DNAAF4: variants seen among roughly 807,000 people sequenced by gnomAD.
DNAAF4 encodes dynein axonemal assembly factor 4, also known as dynein assembly factor 4, axonemal.
DNAAF4 carries 43 observed loss-of-function variants against 51.8 expected under a neutral mutation model. The observed-to-expected ratio is 0.83, with a 90% CI of 0.65 to 1.07. DNAAF4 has a LOEUF of 1.07. Ranked by LOEUF, DNAAF4 falls within the 50% of genes least tolerant of loss-of-function variation. DNAAF4 has a pLI of 0.00. For synonymous variants in DNAAF4, 194 were observed against 165.6 expected (o/e 1.17, Z -1.32); for missense variants, 581 against 493.0 (o/e 1.18, Z -1.69).
chr15:55,473,198 A>AAAAAAAATATATAT (rs1209754897), intron 4 of DNAAF4, among the ~76,000 whole-genome samples: 10 of 75,744 alleles, frequency 1.3e-4, no homozygotes, highest in East Asian at 4.1e-4. Context: ...AAAAAAAAAA[A>AAAAAAAATATATAT]ATATATATAT....
intron 7 of DNAAF4, chr15:55,418,355 C>G: frequency 6.5e-7 from 1 of 1,538,630 alleles, no homozygotes; most frequent in Non-Finnish European, 8.8e-7. Context: ...AGCCACCTCA[C>G]TATCAAAACC....
At chr15:55,498,836 G>T (rs1352145218) in intron 1 of DNAAF4, among the ~76,000 whole-genome samples, 1 of 151,258 alleles carries the variant, frequency 6.6e-6, no homozygotes, top group African/African-American at 2.4e-5. Context: ...GCTTGAACCC[G>T]GGAGGCAGGG....
chr15:55,469,474 C>CTT (rs1162485238), intron 4 of DNAAF4, among the ~76,000 whole-genome samples: 8,948 of 66,086 alleles, frequency 0.14, 3,825 homozygotes, highest in Non-Finnish European at 0.15. Flanking sequence ...CTTACCAATT[C>CTT]TTTTTTTTTT....
downstream of DNAAF4, among the ~76,000 whole-genome samples, chr15:55,427,957 C>T (rs1013753390): frequency 6.7e-6 from 1 of 150,134 alleles, no homozygotes; most frequent in Non-Finnish European, 1.5e-5. Context: ...ACTTCTAAAC[C>T]GTAATTTTTT....
At chr15:55,493,600 T>A (rs564255478) in intron 3 of DNAAF4, among the ~76,000 whole-genome samples, 2 of 152,268 alleles carry the variant, frequency 1.3e-5, no homozygotes, top group South Asian at 4.1e-4. Context: ...AGAGTCTGAA[T>A]AATGAGGTAG....
chr15:55,504,072 C>T (rs1370476246), intron 1 of DNAAF4, among the ~76,000 whole-genome samples: 1 of 152,166 alleles, frequency 6.6e-6, no homozygotes, highest in Non-Finnish European at 1.5e-5. Context: ...GCAACTTCAG[C>T]AAAGTCTCAG....
intron 6 of DNAAF4, among the ~76,000 whole-genome samples, chr15:55,443,904 T>C (rs2057755531): frequency 6.6e-6 from 1 of 152,216 alleles, no homozygotes; most frequent in African/African-American, 2.4e-5. Context: ...GTTTTTTTCT[T>C]GTAAGTTTGT....
chr15:55,502,559 A>T (rs992949353), intron 1 of DNAAF4, among the ~76,000 whole-genome samples: 8 of 152,102 alleles, frequency 5.3e-5, no homozygotes, highest in Admixed American at 5.2e-4. Flanking sequence ...TGTATTGTTA[A>T]TCTCTCTTTT....
At chr15:55,460,188 T>TA (rs1481827430) in intron 5 of DNAAF4, among the ~76,000 whole-genome samples, 1 of 136,740 alleles carries the variant, frequency 7.3e-6, no homozygotes, top group African/African-American at 3.0e-5. Flanking sequence ...TATTTATTTA[T>TA]TTTTTTTTTT....
At chr15:55,448,285 T>G (rs1409612051) in intron 6 of DNAAF4, among the ~76,000 whole-genome samples, 2 of 151,984 alleles carry the variant, frequency 1.3e-5, no homozygotes, top group Non-Finnish European at 2.9e-5. Flanking sequence ...TGGATAAGCT[T>G]TTTGATGTGC....
chr15:55,456,697 T>C (rs966096876), intron 5 of DNAAF4, among the ~76,000 whole-genome samples: 7 of 152,216 alleles, frequency 4.6e-5, no homozygotes, highest in African/African-American at 1.7e-4. Context: ...GTTCCCAAAG[T>C]GTGAGGGAAG....
At chr15:55,422,716 G>A (rs1444654337) in intron 7 of DNAAF4, among the ~76,000 whole-genome samples, 1 of 152,152 alleles carries the variant, frequency 6.6e-6, no homozygotes, top group Admixed American at 6.6e-5. Context: ...TTTCAACAAG[G>A]CCAGGCTCGA....
Position 55,439,699 on chromosome 15 carries a change from T to G in DNAAF4, c.784-118A>C, listed in dbSNP as rs1166081781. ...AATATTATTTGCTATGCACTGAGTG[T>G]TTGTGTCTTCTCCACCTCTCCTCCA... is the stretch of plus-strand genomic sequence containing the variant. On this transcript the variant is annotated intron_variant, in intron 6 of 9. Transcript: ENST00000321149. 1.3e-5 allele frequency: 11 copies of G among 829,010 alleles called. No individual in the cohort carries two copies. In the East Asian group the frequency reaches 3.1e-4, roughly 23 times the overall value. The allele number at this position is 829,010 out of a possible 1,614,324, so 51.4% of individuals were successfully genotyped here. A position where few individuals can be genotyped will look rare whatever the true frequency, so the allele number is the denominator to read the frequency against.
intron 4 of DNAAF4, among the ~76,000 whole-genome samples, chr15:55,487,614 T>C (rs2058510651): frequency 6.6e-6 from 1 of 151,920 alleles, no homozygotes; most frequent in South Asian, 2.1e-4. Context: ...CGTGAGGGTC[T>C]GCAGCTTAAT....
At chr15:55,456,287 G>T (rs1273252897) in intron 5 of DNAAF4, among the ~76,000 whole-genome samples, 1 of 151,962 alleles carries the variant, frequency 6.6e-6, no homozygotes, top group Non-Finnish European at 1.5e-5. Context: ...TCTCCATGTT[G>T]GTCAGGCTAG....
At chr15:55,464,794 C>T (rs1300286424) in intron 5 of DNAAF4, among the ~76,000 whole-genome samples, 5 of 151,984 alleles carry the variant, frequency 3.3e-5, no homozygotes, top group African/African-American at 1.2e-4. Context: ...ATGGAGAAAC[C>T]CCATCTCTAA....
At chr15:55,439,435 C>T in intron 7 of DNAAF4, 37 bp downstream of exon 7, 1 of 1,538,246 alleles carries the variant, frequency 6.5e-7, no homozygotes, top group Non-Finnish European at 9.0e-7. Flanking sequence ...TGTCTTCATA[C>T]ATGATAAAGC....
intron 4 of DNAAF4, among the ~76,000 whole-genome samples, chr15:55,469,607 C>T (rs1421093799): frequency 2.0e-5 from 3 of 148,828 alleles, no homozygotes; most frequent in Non-Finnish European, 3.0e-5. Context: ...CTCAGCCTCC[C>T]GAGTAGCTGG....
chr15:55,432,456 A>T (rs757162635), intron 9 of DNAAF4, 41 bp downstream of exon 9: 3 of 1,491,960 alleles, frequency 2.0e-6, no homozygotes, highest in Admixed American at 3.6e-5. Flanking sequence ...TTTTTTTCAG[A>T]GTATAACTTG....
Sources: allele counts gnomAD v4.1 joint callset (sites outside exome capture counted in the v4.1 genomes callset), GRCh38; gene constraint gnomAD v4.1.1; transcripts MANE v1.5; gene names NCBI Gene and HGNC (gene_info 2026-07-23, HGNC 2026-07-21).